The following ZPBP variants were observed in gnomAD, a reference collection of about 807,000 sequenced individuals.
ZPBP encodes zona pellucida binding protein, also known as zona pellucida-binding protein 1.
In ZPBP, 26 loss-of-function variants were observed where a neutral mutation model predicts 44.8. That is an observed-to-expected ratio of 0.58 (90% CI 0.43 to 0.81). The LOEUF is 0.81. ZPBP is among the 30% of genes least tolerant of loss of function. The pLI is 0.00. For synonymous variants in ZPBP, 174 were observed against 153.2 expected (o/e 1.14, Z -1.00); for missense variants, 409 against 434.0 (o/e 0.94, Z 0.51).
intron 7 of ZPBP, among the ~76,000 whole-genome samples, chr7:49,965,534 A>G (rs1178324765): frequency 1.3e-5 from 2 of 152,104 alleles, no homozygotes; most frequent in Admixed American, 6.6e-5. Flanking sequence ...CAGGCCATAG[A>G]AAAATTACTG....
At chr7:50,082,000 T>C (rs77443759) in intron 2 of ZPBP, 101 bp from the exon 3 acceptor site, 3 of 1,330,440 alleles carry the variant, frequency 2.3e-6, no homozygotes, top group Non-Finnish European at 3.1e-6. Context: ...ATAATAAGAG[T>C]ACTTTGAATT....
chr7:50,045,134 T>C (rs1800284060), intron 4 of ZPBP, among the ~76,000 whole-genome samples: 2 of 152,196 alleles, frequency 1.3e-5, no homozygotes, highest in Admixed American at 6.5e-5. Context: ...AAACTACGTA[T>C]TGATGGAACG....
chr7:49,969,298 A>ACT (rs1562808243), intron 7 of ZPBP, among the ~76,000 whole-genome samples: 15 of 150,684 alleles, frequency 1.0e-4, no homozygotes, highest in East Asian at 5.8e-4. Flanking sequence ...GTAGTAAGTT[A>ACT]TAACATAACA....
Position 50,089,659 on chromosome 7 carries a change from C to T in ZPBP, c.178G>A (p.Val60Met), listed in dbSNP as rs769686931. 9 of 1,611,354 alleles carry T rather than the reference C, an allele frequency of 5.6e-6. No homozygotes were observed. Among genetic ancestry groups the T allele is most frequent in the Non-Finnish European group, 7.6e-6 (9 of 1,178,684 alleles). Residue 60 changes from valine to methionine, a missense_variant, in exon 2 of 8, where the codon GTG becomes ATG. Coordinates refer to ENST00000046087, the MANE Select transcript of ZPBP (RefSeq NM_007009.3). Reference sequence around the variant, plus strand: ...AAACTTGTTGATCCCACTATTTTCACTGAATCTTTGGTCAAGCGAAAAGCT... The same window carrying T: ...AAACTTGTTGATCCCACTATTTTCATTGAATCTTTGGTCAAGCGAAAAGCT... ...PRAFRLTKDS[V>M]KIVGSTSFPV...
intron 2 of ZPBP, among the ~76,000 whole-genome samples, chr7:49,876,773 A>G (rs962500192): frequency 6.6e-6 from 1 of 152,116 alleles, no homozygotes; most frequent in African/African-American, 2.4e-5. Context: ...ATGAATAAAT[A>G]TGGCATAATT....
chr7:50,034,108 T>A (rs1229903971), intron 4 of ZPBP, among the ~76,000 whole-genome samples: 1 of 152,030 alleles, frequency 6.6e-6, no homozygotes, highest in Non-Finnish European at 1.5e-5. Context: ...GAGAGAAAAA[T>A]TATGTTTCAA....
At chr7:49,995,402 A>T (rs1225892665) in intron 6 of ZPBP, among the ~76,000 whole-genome samples, 1 of 152,232 alleles carries the variant, frequency 6.6e-6, no homozygotes, top group Non-Finnish European at 1.5e-5. Flanking sequence ...ACAGCTACAG[A>T]TCAGGCACCA....
At chr7:50,071,091 G>A (rs755619608) in intron 3 of ZPBP, among the ~76,000 whole-genome samples, 3 of 151,962 alleles carry the variant, frequency 2.0e-5, no homozygotes, top group Non-Finnish European at 4.4e-5. Context: ...ACTAAAGTAG[G>A]CACTGAAAAG....
At chr7:49,866,285 G>T (rs1790887825) in intron 2 of ZPBP, among the ~76,000 whole-genome samples, 5 of 152,188 alleles carry the variant, frequency 3.3e-5, no homozygotes. Flanking sequence ...GCTGTGCCAG[G>T]TGTCTTGCTA....
chr7:49,958,604 T>C (rs2128762950), intron 7 of ZPBP, among the ~76,000 whole-genome samples: 1 of 152,312 alleles, frequency 6.6e-6, no homozygotes, highest in Middle Eastern at 3.4e-3. Context: ...AGACCCTTGA[T>C]CTTAGACTTC....
At chr7:50,044,436 G>A (rs1334928813) in intron 4 of ZPBP, among the ~76,000 whole-genome samples, 2 of 151,804 alleles carry the variant, frequency 1.3e-5, no homozygotes, top group Non-Finnish European at 2.9e-5. Flanking sequence ...TAATAAAGAA[G>A]AAAAGAGAGA....
intron 7 of ZPBP, among the ~76,000 whole-genome samples, chr7:49,966,106 A>C (rs1796048686): frequency 6.6e-6 from 1 of 152,152 alleles, no homozygotes; most frequent in South Asian, 2.1e-4. Flanking sequence ...TAATAACAGA[A>C]CTTAAAAATA....
intron 6 of ZPBP, among the ~76,000 whole-genome samples, chr7:50,001,583 C>CA (rs1312200967): frequency 6.6e-6 from 1 of 152,044 alleles, no homozygotes; most frequent in East Asian, 1.9e-4. Context: ...TTGATAAAAA[C>CA]AAAAAACAGA....
the ZPBP span, among the ~76,000 whole-genome samples, chr7:49,845,293 G>GA: frequency 0.048 from 7,039 of 145,408 alleles, 534 homozygotes; most frequent in African/African-American, 0.16. Flanking sequence ...AAAGTCGAAG[G>GA]AAAAAAAAAA....
At chr7:50,015,603 T>C (rs139248860) in intron 6 of ZPBP, among the ~76,000 whole-genome samples, 4 of 152,080 alleles carry the variant, frequency 2.6e-5, no homozygotes, top group African/African-American at 9.6e-5. Context: ...AAAGAAACTA[T>C]CAACACAGTA....
intron 1 of ZPBP, among the ~76,000 whole-genome samples, chr7:49,926,570 A>G (rs1194876497): frequency 6.6e-6 from 1 of 152,140 alleles, no homozygotes; most frequent in Non-Finnish European, 1.5e-5. Context: ...GCCATTCAGA[A>G]GGGTACCCTC....
chr7:49,840,928 G>A, the ZPBP span, among the ~76,000 whole-genome samples: 1 of 152,140 alleles, frequency 6.6e-6, no homozygotes, highest in African/African-American at 2.4e-5. Context: ...ACTATAGTGG[G>A]TTAACATGAG....
Position 50,018,278 on chromosome 7 carries a change from T to C in ZPBP, c.745A>G (p.Thr249Ala), listed in dbSNP as rs1360058916. 12 of 1,610,750 alleles carry C rather than the reference T, an allele frequency of 7.4e-6. No homozygotes were observed. The highest frequency in any genetic ancestry group is 1.0e-5 in the Non-Finnish European group (12 of 1,178,888). Reference protein sequence around the residue: ...LDTEKGPKRCTDHNCEPYKRL... With the variant: ...LDTEKGPKRCADHNCEPYKRL... ...TTGTAAGGTTCACAGTTATGGTCTG[T>C]ACATCGCTTGGGTCCTTTTTCAGTG... Residue 249 changes from threonine to alanine, a missense_variant, in exon 6 of 8, where the codon ACA (threonine) becomes GCA (alanine). Thr to Ala is a moderately conservative substitution (Grantham distance 58). Transcript: ENST00000046087.
chr7:49,982,175 AT>A (rs1562821118), intron 7 of ZPBP, among the ~76,000 whole-genome samples: 30 of 95,224 alleles, frequency 3.2e-4, no homozygotes, highest in African/African-American at 1.3e-3. Flanking sequence ...TATTATATAT[AT>A]ATAATTTATT....
Sources: allele counts gnomAD v4.1 joint callset (sites outside exome capture counted in the v4.1 genomes callset), GRCh38; gene constraint gnomAD v4.1.1; transcripts MANE v1.5; gene names NCBI Gene and HGNC (gene_info 2026-07-23, HGNC 2026-07-21).